Variants in PDXDC1 observed in about 807,000 individuals in gnomAD.
PDXDC1 encodes pyridoxal-dependent decarboxylase domain-containing protein 1.
In PDXDC1, 42 loss-of-function variants were observed where a neutral mutation model predicts 100.1. The ratio of observed to expected loss-of-function variants is 0.42; its 90% CI spans 0.33 to 0.54. The LOEUF (loss-of-function observed/expected upper bound fraction) is 0.54, where lower values mean the gene tolerates loss of function less well. PDXDC1 is among the 20% of genes least tolerant of loss of function. The pLI, the probability that PDXDC1 is intolerant of heterozygous loss-of-function variation, is 0.10. For synonymous variants in PDXDC1, 260 were observed against 371.7 expected, an observed-to-expected ratio of 0.70 and a Z score of 3.46; for missense variants, 636 against 979.2, an observed-to-expected ratio of 0.65 and a Z score of 4.68.
intron 16 of PDXDC1, chr16:15,045,818 G>A (rs886410194): frequency 3.9e-5 from 6 of 152,262 alleles, no homozygotes; most frequent in Non-Finnish European, 8.8e-5. Context: ...TCGGCAAAGT[G>A]TTGCCAGACT....
intron 1 of PDXDC1, among the ~76,000 whole-genome samples, chr16:14,990,865 C>T (rs1326999152): frequency 5.3e-5 from 8 of 152,268 alleles, no homozygotes; most frequent in East Asian, 3.9e-4. Context: ...CTCAGCCTTC[C>T]GAGTACCTAG....
At chr16:15,044,182 G>A (rs1009585568) in intron 16 of PDXDC1, 3 of 622,082 alleles carry the variant, frequency 4.8e-6, no homozygotes, top group Admixed American at 2.6e-5. Flanking sequence ...CAGTCTTTCT[G>A]TGAAATTCCA....
At position 15,004,216 on chromosome 16, in the gene PDXDC1, T is replaced by C. The variant is rs1049444309; in HGVS notation, c.272T>C (p.Met91Thr). Residue 91 changes from methionine to threonine, a missense_variant, in exon 5 of 23, where the codon ATG becomes ACG. By Grantham distance (81) the Met-to-Thr change is moderately conservative. Transcript: ENST00000396410. ...CAAAATATTGGAGAACAAGGTCATATGGCTTTGTTGGGACATAGTCTGGGA... is the reference window on the plus strand; with the variant it reads ...CAAAATATTGGAGAACAAGGTCATACGGCTTTGTTGGGACATAGTCTGGGA... ...RIQNIGEQGHMALLGHSLGAY... is the reference protein window; with the variant it reads ...RIQNIGEQGHTALLGHSLGAY... 4 of 1,613,980 alleles carry C rather than the reference T, an allele frequency of 2.5e-6. No homozygotes were observed. In the African/African-American group the frequency reaches 4.0e-5, roughly 16 times the overall value.
At chr16:15,123,446 T>G in intron 16 of PDXDC1, 1 of 716,910 alleles carries the variant, frequency 1.4e-6, no homozygotes, top group Non-Finnish European at 2.4e-6. Context: ...CCAAGCAGAG[T>G]GCCAGGTTTT....
intron 16 of PDXDC1, among the ~76,000 whole-genome samples, chr16:15,087,809 T>C (rs2045967469): frequency 6.6e-6 from 1 of 152,194 alleles, no homozygotes; most frequent in East Asian, 1.9e-4. Flanking sequence ...ACATTTAAAC[T>C]GTACCATTTT....
At chr16:14,997,417 G>A (rs1302103440) in intron 1 of PDXDC1, among the ~76,000 whole-genome samples, 1 of 152,280 alleles carries the variant, frequency 6.6e-6, no homozygotes, top group Non-Finnish European at 1.5e-5. Context: ...GTGTGTGCCT[G>A]TAATCCCAGC....
intron 16 of PDXDC1, chr16:15,092,555 A>T (rs1567230635): frequency 6.2e-7 from 1 of 1,613,658 alleles, no homozygotes; most frequent in Admixed American, 1.7e-5. Context: ...ACCAAACCGA[A>T]CAGTTTTTCT....
At chr16:15,088,394 G>A (rs941963186) in intron 16 of PDXDC1, among the ~76,000 whole-genome samples, 8 of 152,134 alleles carry the variant, frequency 5.3e-5, no homozygotes, top group Non-Finnish European at 1.0e-4. Flanking sequence ...TTGAGCCTGG[G>A]AGGTTGAGGC....
intron 3 of PDXDC1, among the ~76,000 whole-genome samples, chr16:14,999,040 G>A (rs1404277262): frequency 2.0e-5 from 3 of 152,274 alleles, no homozygotes; most frequent in East Asian, 1.9e-4. Context: ...ATCTGTGATT[G>A]TACCACTGCA....
chr16:14,988,300 C>A, intron 1 of PDXDC1: 1 of 1,613,552 alleles, frequency 6.2e-7, no homozygotes, highest in African/African-American at 1.3e-5. Flanking sequence ...AGGGGCTTGG[C>A]TCCAGGCCCA....
chr16:15,130,327 G>T lies in PDXDC1; in HGVS notation c.1400-8552G>T, dbSNP rs560427840. 5 of 1,547,510 alleles carry T rather than the reference G, an allele frequency of 3.2e-6. No individual in the cohort carries two copies. The East Asian group carries it at 1.2e-4, about 38-fold the overall frequency. ...TCCAGGGGCAGCAGCCCCTCTGTCC[G>T]CCACACCACGTCCTCCTCGCTGAAG... On this transcript the variant is annotated intron_variant, in intron 16 of 16. Coordinates refer to the PDXDC1 transcript ENST00000535621.
chr16:15,094,095 G>T lies in PDXDC1; in HGVS notation c.1400-44784G>T, dbSNP rs745777797. 6 of 1,501,962 alleles carry T rather than the reference G, an allele frequency of 4.0e-6. No individual in the cohort carries two copies. In the East Asian group the frequency reaches 1.4e-4, roughly 36 times the overall value. The allele number at this position is 1,501,962 out of a possible 1,614,324, so 93.0% of individuals were successfully genotyped here. The stretch of plus-strand genomic sequence containing the variant: ...CTTTCAATCCGCTCCTCTAAGCGCC[G>T]TCCTGAGCTTTCGTCCCAGATACGC... On this transcript the variant is annotated intron_variant, in intron 16 of 16. Coordinates refer to the PDXDC1 transcript ENST00000535621.
intron 16 of PDXDC1, chr16:15,127,961 C>T (rs1199187428): frequency 6.4e-7 from 1 of 1,551,120 alleles, no homozygotes; most frequent in Non-Finnish European, 8.9e-7. Flanking sequence ...CCCAACCTCC[C>T]ACGGAGTGGG....
rs1313032454 is a variant in PDXDC1 at position 15,085,723 on chromosome 16, T to A, written c.1400-53156T>A. The A allele has an allele frequency of 6.8e-6, 11 of 1,612,336 alleles. No individual in the cohort carries two copies. The Admixed American group carries it at 1.8e-4, about 27-fold the overall frequency. On this transcript the variant is annotated intron_variant, in intron 16 of 16. Transcript: ENST00000535621. ...GCTTTTGAGGGAAAAAGAAAATATGTTATTCTGTCATTGATCTAGACAATG... is the reference window on the plus strand; with the variant it reads ...GCTTTTGAGGGAAAAAGAAAATATGATATTCTGTCATTGATCTAGACAATG...
Position 15,091,634 on chromosome 16 carries a change from T to C in PDXDC1, c.1400-47245T>C, listed in dbSNP as rs2046133432. Among the ~76,000 whole-genome samples, 8 of 152,292 alleles carry C rather than the reference T, an allele frequency of 5.3e-5. 1 individual carries two copies. In the South Asian group the frequency reaches 1.7e-3, roughly 32 times the overall value. ...ATTTGAATATAATAGTTGATACTCC[T>C]GCGAATTCTCAAAAAGCATGAGGGA... On this transcript the variant is annotated intron_variant, in intron 16 of 16. Coordinates refer to the PDXDC1 transcript ENST00000535621.
chr16:15,098,603 G>C (rs2046437431), intron 16 of PDXDC1, among the ~76,000 whole-genome samples: 1 of 152,070 alleles, frequency 6.6e-6, no homozygotes, highest in Non-Finnish European at 1.5e-5. Context: ...TCTTGGCCGG[G>C]CATGGTGGCT....
chr16:15,124,125 T>A (rs1031081915), intron 16 of PDXDC1, among the ~76,000 whole-genome samples: 2 of 152,208 alleles, frequency 1.3e-5, no homozygotes, highest in Non-Finnish European at 2.9e-5. Flanking sequence ...GCTTCTCTCC[T>A]AAGGTGTTTG....
At chr16:15,148,919 C>A in the PDXDC1 span, among the ~76,000 whole-genome samples, 1 of 152,176 alleles carries the variant, frequency 6.6e-6, no homozygotes, top group Admixed American at 6.5e-5. Context: ...TTCTTGTCCA[C>A]ATTTTTGTCC....
intron 1 of PDXDC1, chr16:14,989,215 G>T: frequency 6.2e-7 from 1 of 1,614,264 alleles, no homozygotes; most frequent in Non-Finnish European, 8.5e-7. Context: ...ATTTCCTTCC[G>T]TGCCAAGTCC....
Sources: allele counts gnomAD v4.1 joint callset (sites outside exome capture counted in the v4.1 genomes callset), GRCh38; gene constraint gnomAD v4.1.1; transcripts MANE v1.5; gene names NCBI Gene and HGNC (gene_info 2026-07-23, HGNC 2026-07-21).